Variants in ADAMTS19 observed in about 807,000 individuals in gnomAD.
The protein encoded by ADAMTS19 is A disintegrin and metalloproteinase with thrombospondin motifs 19.
A neutral mutation model predicts 153.3 loss-of-function variants in ADAMTS19; 93 were observed. That is an observed-to-expected ratio of 0.61 (90% confidence interval 0.51 to 0.72). The LOEUF (loss-of-function observed/expected upper bound fraction) is 0.72. Ranked by LOEUF, ADAMTS19 falls within the 30% of genes least tolerant of loss-of-function variation. The pLI, the probability that ADAMTS19 is intolerant of heterozygous loss-of-function variation, is 0.00. For synonymous variants in ADAMTS19, 600 were observed against 556.6 expected (o/e 1.08, Z -1.10); for missense variants, 1,482 against 1,552.1 (o/e 0.95, Z 0.76).
intron 2 of ADAMTS19, among the ~76,000 whole-genome samples, chr5:129,507,660 A>ATGTG (rs1561543416): frequency 7.0e-6 from 1 of 142,218 alleles, no homozygotes; most frequent in Non-Finnish European, 1.5e-5. Flanking sequence ...GTGCCTGTGT[A>ATGTG]CGTGTGTGTG....
In ADAMTS19 at chr5:129,737,419, ATAAT is replaced by A; in HGVS notation, c.*203_*206del. On this transcript the variant is annotated 3_prime_UTR_variant, in exon 23 of 23. Transcript: ENST00000274487. The stretch of plus-strand genomic sequence containing the variant: ...TGATTTATACTATATGGCTTCATAA[ATAAT>A]TTTATATGAATGAATTAGTTGGATC... 2.7e-6 allele frequency: 1 copy of A among 364,522 alleles called. No homozygotes were observed. The highest frequency in any genetic ancestry group is 4.6e-6 in the Non-Finnish European group (1 of 218,818). 22.6% of individuals were successfully genotyped at this position (364,522 alleles called of 1,614,324 possible). A position where few individuals can be genotyped will look rare whatever the true frequency, so the allele number is the denominator to read the frequency against.
intron 6 of ADAMTS19, among the ~76,000 whole-genome samples, chr5:129,538,184 T>C (rs1752525729): frequency 6.6e-6 from 1 of 152,088 alleles, no homozygotes; most frequent in South Asian, 2.1e-4. Flanking sequence ...AAATGCAATA[T>C]ATATTACAGA....
intron 21 of ADAMTS19, among the ~76,000 whole-genome samples, chr5:129,711,879 C>T (rs1365462757): frequency 2.0e-5 from 3 of 151,988 alleles, no homozygotes; most frequent in Admixed American, 6.6e-5. Context: ...AAGTATTTCT[C>T]CTTTCTTTCT....
Position 129,528,633 on chromosome 5 carries a change from G to T in ADAMTS19, c.1284G>T (p.Trp428Cys), listed in dbSNP as rs780252894. ...TACATTTAGAGATGTCAACAAACTG[G>T]GGGGAAGACATGACTTCAGTGGATG... is the stretch of plus-strand genomic sequence containing the variant. ...NDIHLEMSTN[W>C]GEDMTSVDAA... Residue 428 changes from tryptophan to cysteine, a missense_variant, in exon 6 of 23, where the codon TGG becomes TGT. Around this residue, in one of 2 missense-constraint regions of ADAMTS19, gnomAD observed 866 missense variants for 827.7 expected, o/e 1.05. Transcript: ENST00000274487. The T allele has an allele frequency of 3.7e-6, 6 of 1,602,786 alleles. No homozygotes were observed. The Middle Eastern group carries it at 5.0e-4, about 133-fold the overall frequency.
intron 7 of ADAMTS19, among the ~76,000 whole-genome samples, chr5:129,571,652 GT>G (rs1753912882): frequency 6.6e-6 from 1 of 151,634 alleles, no homozygotes; most frequent in African/African-American, 2.4e-5. Flanking sequence ...GTGCTTTTTT[GT>G]AGATATAGAC....
intron 21 of ADAMTS19, among the ~76,000 whole-genome samples, chr5:129,728,740 G>A (rs1757315625): frequency 6.6e-6 from 1 of 152,066 alleles, no homozygotes; most frequent in Non-Finnish European, 1.5e-5. Flanking sequence ...TTATGTCATT[G>A]TGTTTTGTTA....
At chr5:129,622,830 C>G (rs1304104862) in intron 10 of ADAMTS19, among the ~76,000 whole-genome samples, 11 of 152,218 alleles carry the variant, frequency 7.2e-5, no homozygotes, top group African/African-American at 2.6e-4. Context: ...GAACTTGATA[C>G]ATTGTAAATG....
chr5:129,564,189 C>T (rs1753623899), intron 7 of ADAMTS19, among the ~76,000 whole-genome samples: 1 of 152,236 alleles, frequency 6.6e-6, no homozygotes, highest in South Asian at 2.1e-4. Context: ...TAAGCTGATA[C>T]TTTCCAAAAC....
At chr5:129,469,246 CAACT>C (rs1384680016) in intron 2 of ADAMTS19, among the ~76,000 whole-genome samples, 1 of 151,974 alleles carries the variant, frequency 6.6e-6, no homozygotes, top group East Asian at 1.9e-4. Context: ...CAGAGATAGA[CAACT>C]AACTTTTTAG....
chr5:129,708,590 C>CAAAAAAAAA (rs1174701520), intron 21 of ADAMTS19, among the ~76,000 whole-genome samples: 164 of 61,782 alleles, frequency 2.7e-3, no homozygotes, highest in East Asian at 5.9e-3. Flanking sequence ...AGCAGAGAAG[C>CAAAAAAAAA]AAAAAAAAAA....
chr5:129,622,492 A>AT, intron 10 of ADAMTS19, 144 bp downstream of exon 10: 1 of 947,336 alleles, frequency 1.1e-6, no homozygotes, highest in Non-Finnish European at 1.5e-6. Context: ...AGGTTTGTGC[A>AT]TTTTTTTCTT....
At chr5:129,579,337 A>G (rs1290574612) in intron 7 of ADAMTS19, among the ~76,000 whole-genome samples, 2 of 152,200 alleles carry the variant, frequency 1.3e-5, no homozygotes, top group East Asian at 3.8e-4. Flanking sequence ...TCTGGATATT[A>G]GACCTTTGTC....
chr5:129,690,899 A>G (rs17163070), intron 18 of ADAMTS19, among the ~76,000 whole-genome samples: 6,742 of 152,210 alleles, frequency 0.044, 458 homozygotes, highest in African/African-American at 0.15. Context: ...ACAGAGTTCT[A>G]TAATTTAATT....
intron 8 of ADAMTS19, among the ~76,000 whole-genome samples, chr5:129,617,160 G>A (rs751212144): frequency 7.2e-5 from 11 of 152,048 alleles, no homozygotes; most frequent in Non-Finnish European, 1.3e-4. Context: ...TCAGGACTAA[G>A]CATTGTTTCC....
At chr5:129,712,837 C>T (rs1452729643) in intron 21 of ADAMTS19, among the ~76,000 whole-genome samples, 1 of 152,096 alleles carries the variant, frequency 6.6e-6, no homozygotes, top group Non-Finnish European at 1.5e-5. Context: ...CTCTCTCTTT[C>T]TCTCTCCCCT....
In ADAMTS19 at chr5:129,606,986, C is replaced by T. The variant is rs147433675; in HGVS notation, c.1478+10322C>T. 1.8e-3 allele frequency among the ~76,000 whole-genome samples: 280 copies of T among 152,186 alleles called. 1 individual carries two copies. The highest frequency in any genetic ancestry group is 3.0e-3 in the Non-Finnish European group (205 of 68,006). ...AGACTGGAGTGCAGTGGCACCATGT[C>T]AGCTCACAGCAACCTCCATCTCCTG... On this transcript the variant is annotated intron_variant, in intron 8 of 22. Transcript: ENST00000274487.
At chr5:129,720,723 G>A (rs1365182992) in intron 21 of ADAMTS19, among the ~76,000 whole-genome samples, 3 of 152,288 alleles carry the variant, frequency 2.0e-5, no homozygotes, top group South Asian at 2.1e-4. Flanking sequence ...GAGGTCAATG[G>A]AAAGAATGAG....
At chr5:129,464,526 A>T (rs932043150) in intron 2 of ADAMTS19, among the ~76,000 whole-genome samples, 1 of 152,218 alleles carries the variant, frequency 6.6e-6, no homozygotes, top group African/African-American at 2.4e-5. Context: ...GAACTTTTCA[A>T]TATCTTTTGG....
intron 10 of ADAMTS19, among the ~76,000 whole-genome samples, chr5:129,624,081 C>T (rs368107721): frequency 2.1e-4 from 28 of 135,498 alleles, no homozygotes; most frequent in Non-Finnish European, 2.7e-4. Context: ...GAGCCGAGAA[C>T]GCGCCACTGC....
Sources: gnomAD v4.1 joint callset for allele counts (sites outside exome capture counted in the v4.1 genomes callset) on GRCh38, gnomAD v4.1.1 for gene constraint, gnomAD v4.1.1 regional missense constraint, MANE v1.5 for transcripts, NCBI Gene and HGNC (gene_info 2026-07-23, HGNC 2026-07-21) for gene names.